The following TTC7A variants were observed in gnomAD, a reference collection of about 807,000 sequenced individuals.
The protein encoded by TTC7A is tetratricopeptide repeat domain 7A.
TTC7A carries 110 observed loss-of-function variants against 103.7 expected under a neutral mutation model. The ratio of observed to expected loss-of-function variants is 1.06; its 90% confidence interval spans 0.91 to 1.24. TTC7A has a LOEUF of 1.24. TTC7A is among the 50% of genes most tolerant of loss of function. The pLI, the probability that TTC7A is intolerant of heterozygous loss-of-function variation, is 0.00. For missense variants in TTC7A, 1,340 were observed against 1,116.3 expected (o/e 1.20, Z -2.86); for synonymous variants, 521 against 467.9 (o/e 1.11, Z -1.47).
chr2:47,048,604 ATTGT>A (rs975138426), intron 16 of TTC7A, among the ~76,000 whole-genome samples: 1 of 151,842 alleles, frequency 6.6e-6, no homozygotes, highest in Non-Finnish European at 1.5e-5. Context: ...TTTGTTTTGT[ATTGT>A]TTTTGTTTTT....
chr2:47,062,357 T>A (rs1016946692), intron 19 of TTC7A, among the ~76,000 whole-genome samples: 3 of 152,262 alleles, frequency 2.0e-5, no homozygotes, highest in Non-Finnish European at 4.4e-5. Context: ...TCTGTGTGAA[T>A]GTTCAGCCTC....
chr2:46,926,340 C>G (rs947869103), intron 2 of TTC7A, among the ~76,000 whole-genome samples: 1 of 152,222 alleles, frequency 6.6e-6, no homozygotes, highest in African/African-American at 2.4e-5. Context: ...AAGTGATGCT[C>G]CCTATCCTCA....
intron 11 of TTC7A, among the ~76,000 whole-genome samples, chr2:47,020,595 C>T (rs1165533378): frequency 1.3e-5 from 2 of 152,236 alleles, no homozygotes; most frequent in African/African-American, 4.8e-5. Flanking sequence ...GGCTGTAGGG[C>T]TGCTCTGGTC....
intron 8 of TTC7A, among the ~76,000 whole-genome samples, chr2:47,002,145 G>A (rs2104431227): frequency 6.6e-6 from 1 of 152,320 alleles, no homozygotes; most frequent in South Asian, 2.1e-4. Context: ...TTGAGGAGGG[G>A]CTACCCTAGG....
At chr2:47,066,764 C>T (rs897547789) in intron 19 of TTC7A, among the ~76,000 whole-genome samples, 2 of 152,128 alleles carry the variant, frequency 1.3e-5, no homozygotes, top group Admixed American at 1.3e-4. Flanking sequence ...CTATGTTGCC[C>T]AGGTTAGTCT....
intron 2 of TTC7A, among the ~76,000 whole-genome samples, 181 bp downstream of exon 2, chr2:46,950,707 C>T (rs765087991): frequency 1.2e-4 from 18 of 152,126 alleles, no homozygotes; most frequent in Admixed American, 3.3e-4. Flanking sequence ...ATGGCTAGTC[C>T]ACATTGAGAT....
intron 2 of TTC7A, among the ~76,000 whole-genome samples, chr2:46,918,262 C>A (rs543395396): frequency 6.6e-6 from 1 of 152,352 alleles, no homozygotes; most frequent in Admixed American, 6.5e-5. Context: ...ATTCTACGAG[C>A]TGTTTTTGAT....
intron 8 of TTC7A, among the ~76,000 whole-genome samples, chr2:47,004,251 C>T (rs987809814): frequency 1.4e-4 from 21 of 152,238 alleles, no homozygotes; most frequent in African/African-American, 5.1e-4. Flanking sequence ...CTCTCAGTGA[C>T]TGAGCTGTCC....
At chr2:46,996,241 C>T (rs563817211) in intron 8 of TTC7A, among the ~76,000 whole-genome samples, 2 of 152,312 alleles carry the variant, frequency 1.3e-5, no homozygotes, top group East Asian at 3.9e-4. Flanking sequence ...GCATCAGAAG[C>T]CAAGCACACA....
intron 16 of TTC7A, among the ~76,000 whole-genome samples, chr2:47,049,321 GC>G (rs1382478024): frequency 1.3e-5 from 2 of 151,986 alleles, no homozygotes; most frequent in African/African-American, 2.4e-5. Context: ...GCTCCCCGCT[GC>G]CCCCACTCTG....
chr2:47,057,842 A>G (rs1162085521), intron 18 of TTC7A, among the ~76,000 whole-genome samples: 1 of 152,196 alleles, frequency 6.6e-6, no homozygotes, highest in Non-Finnish European at 1.5e-5. Flanking sequence ...CACCAGCAGC[A>G]TCGACCTAGC....
chr2:47,041,246 A>T (rs565620721), intron 15 of TTC7A, among the ~76,000 whole-genome samples: 1 of 152,206 alleles, frequency 6.6e-6, no homozygotes, highest in East Asian at 1.9e-4. Flanking sequence ...CCCACACTGC[A>T]GCTATGGGGA....
At chr2:47,072,878 A>T (rs545471600) in intron 19 of TTC7A, among the ~76,000 whole-genome samples, 2 of 152,286 alleles carry the variant, frequency 1.3e-5, no homozygotes, top group East Asian at 3.9e-4. Context: ...GTAGAAGAGG[A>T]TGTAGAGGGG....
At chr2:47,011,228 G>C in intron 10 of TTC7A, 103 bp from the exon 11 acceptor site, 1 of 1,085,170 alleles carries the variant, frequency 9.2e-7, no homozygotes, top group South Asian at 1.6e-5. Flanking sequence ...TGAGAGCAAA[G>C]GGATACAGAG....
intron 1 of TTC7A, chr2:46,916,694 G>A (rs1668811124): frequency 6.1e-6 from 1 of 164,632 alleles, no homozygotes; most frequent in Admixed American, 5.9e-5. Flanking sequence ...GAGTGCAGTG[G>A]TGGGATCTCG....
intron 3 of TTC7A, among the ~76,000 whole-genome samples, chr2:46,972,309 T>G (rs1247703270): frequency 6.6e-6 from 1 of 152,242 alleles, no homozygotes; most frequent in Non-Finnish European, 1.5e-5. Context: ...TTGTTTTTAT[T>G]TTTTTGAGCT....
In TTC7A at chr2:47,033,179, C is replaced by T. The variant is rs148036569; in HGVS notation, c.1802+3795C>T. Among the ~76,000 whole-genome samples, 4 of 152,328 alleles carry T rather than the reference C, an allele frequency of 2.6e-5. No homozygotes were observed. The East Asian group carries it at 5.8e-4, about 22-fold the overall frequency. On this transcript the variant is annotated intron_variant, in intron 15 of 19. Transcript: ENST00000319190. ...GCTGCTCTGCATTTGAGGAGAAGCC[C>T]TGTGTGCCTCCAGCTGTTGCCAAGG...
chr2:47,073,302 A>C lies in TTC7A; in HGVS notation c.2356-400A>C, dbSNP rs556632405. Among the ~76,000 whole-genome samples the C allele has an allele frequency of 9.2e-4, 140 of 151,652 alleles. 1 individual carries two copies. The highest frequency in any genetic ancestry group is 3.4e-3 in the African/African-American group (139 of 41,310). ...ACTTCTCAGAGCTTTACACCTCCTG[A>C]CTCCTTTCAACCTCACCGCGCTCTC... On this transcript the variant is annotated intron_variant, in intron 19 of 19. Coordinates refer to ENST00000319190, the MANE Select transcript of TTC7A (RefSeq NM_020458.4).
intron 11 of TTC7A, among the ~76,000 whole-genome samples, chr2:47,013,780 C>A (rs1368418135): frequency 6.6e-6 from 1 of 152,134 alleles, no homozygotes; most frequent in Non-Finnish European, 1.5e-5. Context: ...TAGAAAAGCC[C>A]AAAAGGAAAC....
Sources: allele counts gnomAD v4.1 joint callset (sites outside exome capture counted in the v4.1 genomes callset), GRCh38; gene constraint gnomAD v4.1.1; transcripts MANE v1.5; gene names NCBI Gene and HGNC (gene_info 2026-07-23, HGNC 2026-07-21).